The following LLGL2 variants were observed in gnomAD, a reference collection of about 807,000 sequenced individuals.
LLGL2 encodes LLGL2, scribble cell polarity complex component.
Under a neutral mutation model 123.2 loss-of-function variants are expected in LLGL2, and 81 were observed. The observed-to-expected ratio is 0.66, with a 90% CI of 0.55 to 0.79. The LOEUF (loss-of-function observed/expected upper bound fraction) is 0.79. LLGL2 is among the 30% of genes least tolerant of loss of function. LLGL2 has a pLI of 0.00. For synonymous variants in LLGL2, 577 were observed against 594.1 expected, an observed-to-expected ratio of 0.97 and a Z score of 0.42; for missense variants, 1,273 against 1,414.6, an observed-to-expected ratio of 0.90 and a Z score of 1.61.
intron 21 of LLGL2, 25 bp downstream of exon 21, chr17:75,573,656 T>TTGC: frequency 5.6e-6 from 8 of 1,429,028 alleles, no homozygotes; most frequent in Non-Finnish European, 7.4e-6. Context: ...CAGAGGCCTC[T>TTGC]CCCGCCCCTC....
At chr17:75,573,678 T>G (rs779793958) in intron 21 of LLGL2, 47 bp downstream of exon 21, 56 of 929,986 alleles carry the variant, frequency 6.0e-5, no homozygotes, top group Admixed American at 9.3e-5. Context: ...CGCCCCTCCC[T>G]GCCCTCTCTG....
chr17:75,536,000 A>T (rs1331985610), intron 1 of LLGL2, among the ~76,000 whole-genome samples: 1 of 152,174 alleles, frequency 6.6e-6, no homozygotes, highest in African/African-American at 2.4e-5. Context: ...TAGAAAGTGG[A>T]TGGGAACCAG....
At chr17:75,571,431 A>T (rs2055702033) in intron 17 of LLGL2, 2 of 588,886 alleles carry the variant, frequency 3.4e-6, no homozygotes, top group Non-Finnish European at 6.0e-6. Context: ...GATCGGGGAC[A>T]GCAGAGCCTG....
chr17:75,572,137 A>G, intron 19 of LLGL2, 73 bp downstream of exon 19: 1 of 1,443,356 alleles, frequency 6.9e-7, no homozygotes, highest in South Asian at 1.2e-5. Context: ...TTGGGCAAAA[A>G]TGATGGCTGG....
intron 6 of LLGL2, chr17:75,562,132 G>GT (rs35252272): frequency 0.3 from 45,262 of 151,854 alleles, 7,113 homozygotes; most frequent in African/African-American, 0.39. Context: ...CTGCCTTGTG[G>GT]TTTTTTTGTT....
chr17:75,550,753 C>T (rs2054628741), intron 2 of LLGL2, among the ~76,000 whole-genome samples: 1 of 142,964 alleles, frequency 7.0e-6, no homozygotes, highest in South Asian at 2.2e-4. Context: ...TGCACTCCAG[C>T]CTGGGCAACA....
chr17:75,548,069 C>T (rs2054504345), intron 2 of LLGL2, among the ~76,000 whole-genome samples: 1 of 152,156 alleles, frequency 6.6e-6, no homozygotes, highest in Admixed American at 6.5e-5. Flanking sequence ...AAAGGGAATG[C>T]TCACTGGAGC....
chr17:75,563,580 C>T (rs1429432204), intron 8 of LLGL2, 117 bp downstream of exon 8: 40 of 1,518,938 alleles, frequency 2.6e-5, no homozygotes, highest in Non-Finnish European at 3.4e-5. Flanking sequence ...TTGTCCAAAG[C>T]CACACAGCAG....
At chr17:75,567,957 A>G (rs1410583464) in intron 10 of LLGL2, 29 of 709,734 alleles carry the variant, frequency 4.1e-5, no homozygotes, top group Non-Finnish European at 4.8e-5. Flanking sequence ...AAAGAAAAAA[A>G]AAAAAAAAGA....
In LLGL2 at chr17:75,570,372, G is replaced by T; in HGVS notation, c.1899G>T (p.Gln633His). The T allele has an allele frequency of 6.2e-7, 1 of 1,611,944 alleles. No individual in the cohort carries two copies. The highest frequency in any genetic ancestry group is 8.5e-7 in the Non-Finnish European group (1 of 1,179,514). Reference protein sequence around the residue: ...FVKCTLHPSDQLALEGPLSRV... With the variant: ...FVKCTLHPSDHLALEGPLSRV... ...GGTGCACACTGCACCCCAGTGACCA[G>T]CTGGCCTTGGAGGGCCCACTCTCCC... is the stretch of plus-strand genomic sequence containing the variant. The change falls in exon 16 of 26, where the codon CAG becomes CAT. Residue 633 changes from glutamine to histidine, a missense_variant. Gln to His is a conservative substitution (Grantham distance 24). Transcript: ENST00000392550.
Position 75,528,152 on chromosome 17 carries a change from G to A in LLGL2, c.-31+2327G>A, listed in dbSNP as rs544382239. 3.3e-5 allele frequency among the ~76,000 whole-genome samples: 5 copies of A among 151,908 alleles called. No individual in the cohort carries two copies. The South Asian group carries it at 1.0e-3, about 32-fold the overall frequency. On this transcript the variant is annotated intron_variant, in intron 1 of 25. Transcript: ENST00000392550. ...TTATTTTGAGACAGAGTCTCGCTCT[G>A]TCACCCAGGCTGGAGTGCAGTGGCG...
intron 16 of LLGL2, 70 bp downstream of exon 16, chr17:75,570,568 C>A: frequency 1.3e-6 from 2 of 1,501,578 alleles, no homozygotes; most frequent in Non-Finnish European, 1.8e-6. Context: ...GCAGGGGGGC[C>A]ACACGGCCCC....
rs2055122357 is a variant in LLGL2 at position 75,559,923 on chromosome 17, G to T, written c.530+513G>T. The stretch of plus-strand genomic sequence containing the variant: ...TGTTGATGATACTACATTAGAGAGG[G>T]AGTTGGATCAGGTCCGGGTGGGAGA... On this transcript the variant is annotated intron_variant, in intron 6 of 25. Coordinates refer to ENST00000392550, the MANE Select transcript of LLGL2 (RefSeq NM_001031803.2). The surrounding 1 kb of genome is among the most constrained non-coding windows in gnomAD (Gnocchi z 4.6). Among the ~76,000 whole-genome samples, 1 of 152,234 alleles carries T rather than the reference G, an allele frequency of 6.6e-6. No homozygotes were observed. The highest frequency in any genetic ancestry group is 1.5e-5 in the Non-Finnish European group (1 of 68,038).
rs2054725179 is a variant in LLGL2, at chr17:75,552,542, TTAAC to T, written c.76-3501_76-3498del. Among the ~76,000 whole-genome samples the T allele has an allele frequency of 3.3e-5, 5 of 152,374 alleles. No homozygotes were observed. The South Asian group carries it at 1.0e-3, about 32-fold the overall frequency. ...ATATGCAAAATATTTTGACGTGTGA[TTAAC>T]TACTAATGAGATTTTTTCAGTTTGT... is the stretch of plus-strand genomic sequence containing the variant. On this transcript the variant is annotated intron_variant, in intron 2 of 25. Coordinates refer to ENST00000392550, the MANE Select transcript of LLGL2 (RefSeq NM_001031803.2).
intron 21 of LLGL2, 28 bp downstream of exon 21, chr17:75,573,659 C>A: frequency 1.3e-6 from 2 of 1,487,180 alleles, no homozygotes; most frequent in East Asian, 2.4e-5. Flanking sequence ...AGGCCTCTCC[C>A]GCCCCTCCCG....
In LLGL2 at chr17:75,558,370, C is replaced by A; in HGVS notation, c.255+134C>A. ...TGCTGATGGAAAGACCTGGGACCCC[C>A]TCCCTTTCCACAGCTGGGGCTCATG... On this transcript the variant is annotated intron_variant, in intron 4 of 25. Coordinates refer to ENST00000392550, the MANE Select transcript of LLGL2 (RefSeq NM_001031803.2). The surrounding 1 kb of genome is among the most constrained non-coding windows in gnomAD (Gnocchi z 4.0). 1 of 1,154,400 alleles carries A rather than the reference C, an allele frequency of 8.7e-7. No individual in the cohort carries two copies. The highest frequency in any genetic ancestry group is 1.5e-5 in the South Asian group (1 of 68,954). 71.5% of individuals were successfully genotyped at this position (1,154,400 alleles called of 1,614,324 possible).
rs374635732 is a variant in LLGL2 at position 75,568,749 on chromosome 17, G to T, written c.1255-23G>T. On this transcript the variant is annotated intron_variant, in intron 11 of 25. Transcript: ENST00000392550. ...CCACCGCAAGCCAAACTCTCCCATG[G>T]ACTTCTTGGTCTCTTTTTCTAGGAG... is the stretch of plus-strand genomic sequence containing the variant. 26 of 1,611,776 alleles carry T rather than the reference G, an allele frequency of 1.6e-5. No individual in the cohort carries two copies. In the African/African-American group the frequency reaches 2.5e-4, roughly 16 times the overall value.
At chr17:75,574,082 G>A (rs1245591252) in intron 22 of LLGL2, 102 bp downstream of exon 22, 2 of 1,548,814 alleles carry the variant, frequency 1.3e-6, no homozygotes. Flanking sequence ...TAGTGTTTGG[G>A]CTGGGAATAG....
In LLGL2 at chr17:75,572,994, C is replaced by T; in HGVS notation, c.2461-20C>T. Reference sequence around the variant, plus strand: ...GAACTGGTTTGGCCATGGGCATGAACAACCACCCCACGCCCCCAGGTGTTC... The same window carrying T: ...GAACTGGTTTGGCCATGGGCATGAATAACCACCCCACGCCCCCAGGTGTTC... On this transcript the variant is annotated intron_variant, in intron 19 of 25. Transcript: ENST00000392550. 6.3e-7 allele frequency: 1 copy of T among 1,586,440 alleles called. No individual in the cohort carries two copies. The highest frequency in any genetic ancestry group is 8.6e-7 in the Non-Finnish European group (1 of 1,162,830).
Sources: allele counts gnomAD v4.1 joint callset (sites outside exome capture counted in the v4.1 genomes callset), GRCh38; gene constraint gnomAD v4.1.1; non-coding constraint Gnocchi (gnomAD v3.1); transcripts MANE v1.5; gene names NCBI Gene and HGNC (gene_info 2026-07-23, HGNC 2026-07-21).